Variants in SCN2A observed in about 807,000 individuals in gnomAD.
SCN2A encodes sodium voltage-gated channel alpha subunit 2.
A neutral mutation model predicts 188.7 loss-of-function variants in SCN2A; 20 were observed. The ratio of observed to expected loss-of-function variants is 0.11; its 90% CI spans 0.07 to 0.15. The LOEUF (loss-of-function observed/expected upper bound fraction) is 0.15. Ranked by LOEUF, SCN2A falls within the 10% of genes least tolerant of loss-of-function variation. The pLI is 1.00. For synonymous variants in SCN2A, 804 were observed against 833.1 expected (o/e 0.97, Z 0.60); for missense variants, 1,278 against 2,445.0 (o/e 0.52, Z 10.07).
chr2:165,380,101 C>T (rs1574729655), intron 23 of SCN2A, among the ~76,000 whole-genome samples: 1 of 151,822 alleles, frequency 6.6e-6, no homozygotes, highest in African/African-American at 2.4e-5. Flanking sequence ...TTACTACTGG[C>T]CGCCACTGTT....
intron 16 of SCN2A, 82 bp downstream of exon 16, chr2:165,344,993 G>C (rs1160748599): frequency 3.2e-6 from 5 of 1,576,590 alleles, no homozygotes; most frequent in Non-Finnish European, 4.4e-6. Context: ...AGAATATTTT[G>C]TATTTTTTAA....
intron 16 of SCN2A, among the ~76,000 whole-genome samples, chr2:165,349,770 G>A (rs1013913658): frequency 2.6e-5 from 4 of 152,136 alleles, no homozygotes; most frequent in Admixed American, 6.5e-5. Context: ...AGCTAAGGTA[G>A]TCATATATAT....
At chr2:165,309,098 CT>C in intron 5 of SCN2A, 2 of 1,539,208 alleles carry the variant, frequency 1.3e-6, no homozygotes, top group Non-Finnish European at 1.8e-6. Context: ...TTAAAAAGGT[CT>C]TGATGAAAGA....
chr2:165,329,530 C>T (rs1292050176), intron 13 of SCN2A, among the ~76,000 whole-genome samples: 1 of 152,110 alleles, frequency 6.6e-6, no homozygotes, highest in Non-Finnish European at 1.5e-5. Context: ...ACTTAAACAA[C>T]TTTGCTCCGG....
At chr2:165,270,663 G>A (rs2106104325) in intron 1 of SCN2A, 1 of 152,086 alleles carries the variant, frequency 6.6e-6, no homozygotes, top group African/African-American at 2.4e-5. Context: ...AACCTGCTTT[G>A]GTTTCTCCTA....
intron 11 of SCN2A, 127 bp from the exon 12 acceptor site, chr2:165,323,029 C>A: frequency 1.1e-6 from 1 of 901,988 alleles, no homozygotes; most frequent in Non-Finnish European, 1.7e-6. Context: ...TGCTTTCTTC[C>A]ACATGTCCAA....
chr2:165,270,659 C>G (rs1695064439), intron 1 of SCN2A: 1 of 152,046 alleles, frequency 6.6e-6, no homozygotes. Context: ...TCCCAACCTG[C>G]TTTGGTTTCT....
chr2:165,296,373 T>C (rs115004861), intron 2 of SCN2A: 180 of 419,384 alleles, frequency 4.3e-4, no homozygotes, highest in African/African-American at 3.3e-3. Flanking sequence ...ACAAATTATA[T>C]GCTTAAACCA....
intron 16 of SCN2A, among the ~76,000 whole-genome samples, chr2:165,347,456 A>C (rs985030211): frequency 2.0e-5 from 3 of 147,590 alleles, no homozygotes; most frequent in Non-Finnish European, 3.0e-5. Context: ...GTGGGGGGCT[A>C]GGGGAGGGAG....
intron 1 of SCN2A, among the ~76,000 whole-genome samples, chr2:165,252,929 A>G (rs1236289725): frequency 6.6e-6 from 1 of 152,080 alleles, no homozygotes; most frequent in East Asian, 1.9e-4. Flanking sequence ...AGAAAATCTT[A>G]ACCAAAATTT....
At position 165,323,419 on chromosome 2, in the gene SCN2A, T is replaced by C; in HGVS notation, c.1935T>C (p.His645=). Residue 645 remains histidine (H), a synonymous_variant, in exon 12 of 27, where the codon CAT becomes CAC. Transcript: ENST00000375437. ...TCCTGCCCATGAATGGGAAGATGCATAGCGCTGTGGACTGCAATGGTGTGG... is the reference window on the plus strand; with the variant it reads ...TCCTGCCCATGAATGGGAAGATGCACAGCGCTGTGGACTGCAATGGTGTGG... The part of the protein sequence containing the change: ...LPILPMNGKM[H]SAVDCNGVVS... The C allele has an allele frequency of 6.2e-7, 1 of 1,614,092 alleles. No homozygotes were observed. Among genetic ancestry groups the C allele is most frequent in the Non-Finnish European group, 8.5e-7 (1 of 1,179,980 alleles).
chr2:165,377,838 A>T (rs1320118308), intron 23 of SCN2A, among the ~76,000 whole-genome samples, 188 bp downstream of exon 23: 1 of 151,794 alleles, frequency 6.6e-6, no homozygotes, highest in African/African-American at 2.4e-5. Context: ...TTCTCTAATC[A>T]CTCTGTATCT....
intron 26 of SCN2A, 84 bp downstream of exon 26, chr2:165,387,100 C>T: frequency 7.4e-7 from 1 of 1,345,394 alleles, no homozygotes. Flanking sequence ...TTTCACTAAT[C>T]TTTCTCATTC....
rs566950867 is a variant in SCN2A at position 165,308,898 on chromosome 2, T to C, written c.605+104T>C. On this transcript the variant is annotated intron_variant, in intron 5 of 26. Transcript: ENST00000375437. ...TGCCTTGACAGACCAAGCATTTTTC[T>C]TAGTAATCATAGTTTTCTTCCAATC... The C allele has an allele frequency of 1.6e-5, 22 of 1,401,842 alleles. No individual in the cohort carries two copies. The South Asian group carries it at 2.6e-4, about 16-fold the overall frequency. 86.8% of individuals were successfully genotyped at this position (1,401,842 alleles called of 1,614,324 possible).
intron 1 of SCN2A, among the ~76,000 whole-genome samples, chr2:165,288,238 A>C (rs1376262449): frequency 2.0e-5 from 3 of 152,188 alleles, no homozygotes; most frequent in African/African-American, 7.2e-5. Context: ...AATTCAGAGA[A>C]AAATCCAGAT....
chr2:165,269,791 AAT>A (rs562938205), intron 1 of SCN2A: 99 of 152,086 alleles, frequency 6.5e-4, no homozygotes, highest in African/African-American at 2.2e-3. Context: ...TTTTTACTTA[AAT>A]ATATGTTTAT....
intron 14 of SCN2A, among the ~76,000 whole-genome samples, chr2:165,332,189 A>T (rs7420021): frequency 0.28 from 42,356 of 151,710 alleles, 6,218 homozygotes; most frequent in Middle Eastern, 0.48. Flanking sequence ...AATCACGCAA[A>T]AAAGTATATT....
intron 3 of SCN2A, among the ~76,000 whole-genome samples, chr2:165,305,248 C>T (rs548349765): frequency 1.3e-5 from 2 of 152,186 alleles, no homozygotes; most frequent in African/African-American, 4.8e-5. Context: ...AAGTAATTAG[C>T]AGGAATGGAG....
intron 12 of SCN2A, among the ~76,000 whole-genome samples, chr2:165,326,050 G>C (rs2105282683): frequency 6.6e-6 from 1 of 152,186 alleles, no homozygotes; most frequent in East Asian, 1.9e-4. Context: ...ACCTGCATTT[G>C]AAATTCTTTA....
Sources: allele counts gnomAD v4.1 joint callset (sites outside exome capture counted in the v4.1 genomes callset), GRCh38; gene constraint gnomAD v4.1.1; transcripts MANE v1.5; gene names NCBI Gene and HGNC (gene_info 2026-07-23, HGNC 2026-07-21).